SAMD5: variants seen among roughly 807,000 people sequenced by gnomAD.
The protein encoded by SAMD5 is sterile alpha motif domain-containing protein 5.
In SAMD5, 13 loss-of-function variants were observed where a neutral mutation model predicts 11.3. The observed-to-expected ratio is 1.15, with a 90% CI of 0.75 to 1.83. The LOEUF (loss-of-function observed/expected upper bound fraction) is 1.83, where lower values mean the gene tolerates loss of function less well. SAMD5 is among the 40% of genes most tolerant of loss of function. The pLI is 0.00. For missense variants in SAMD5, 255 were observed against 239.1 expected (o/e 1.07, Z -0.44); for synonymous variants, 129 against 111.3 (o/e 1.16, Z -1.00).
the SAMD5 span, among the ~76,000 whole-genome samples, chr6:147,747,142 G>T: frequency 6.6e-6 from 1 of 152,200 alleles, no homozygotes; most frequent in Non-Finnish European, 1.5e-5. Flanking sequence ...GATGTTTGCT[G>T]GAAGAAAAGA....
At chr6:147,830,808 T>C in the SAMD5 span, among the ~76,000 whole-genome samples, 4 of 152,244 alleles carry the variant, frequency 2.6e-5, no homozygotes, top group Middle Eastern at 3.2e-3. Flanking sequence ...TAATGAATTT[T>C]GTCAGGAAGA....
intron 1 of SAMD5, among the ~76,000 whole-genome samples, chr6:147,542,009 G>T (rs1788613637): frequency 6.6e-6 from 1 of 152,092 alleles, no homozygotes; most frequent in Non-Finnish European, 1.5e-5. Flanking sequence ...GAAGGAAGGA[G>T]GCATTGGCAG....
At chr6:147,869,352 A>G in the SAMD5 span, among the ~76,000 whole-genome samples, 1 of 152,116 alleles carries the variant, frequency 6.6e-6, no homozygotes, top group Non-Finnish European at 1.5e-5. Context: ...GGCTTGGGAG[A>G]TGTTTTCTTC....
At chr6:147,534,092 G>A (rs1788470622) in intron 1 of SAMD5, among the ~76,000 whole-genome samples, 1 of 152,158 alleles carries the variant, frequency 6.6e-6, no homozygotes, top group South Asian at 2.1e-4. Context: ...CCACAGTGTG[G>A]ACATGACCCG....
intron 1 of SAMD5, among the ~76,000 whole-genome samples, chr6:147,685,440 T>G (rs1790995617): frequency 6.6e-6 from 1 of 152,088 alleles, no homozygotes; most frequent in African/African-American, 2.4e-5. Flanking sequence ...TCCCAAAGTG[T>G]GGGATTATAG....
At chr6:147,855,361 G>A in the SAMD5 span, among the ~76,000 whole-genome samples, 2 of 152,134 alleles carry the variant, frequency 1.3e-5, no homozygotes, top group Non-Finnish European at 2.9e-5. Context: ...GAGAAATTGT[G>A]TGTCTTCAAA....
At chr6:147,843,956 C>G in the SAMD5 span, among the ~76,000 whole-genome samples, 1 of 152,068 alleles carries the variant, frequency 6.6e-6, no homozygotes, top group Non-Finnish European at 1.5e-5. Context: ...AATATGACCC[C>G]AAAAGCACAA....
chr6:147,934,636 G>T, the SAMD5 span, among the ~76,000 whole-genome samples: 2 of 152,078 alleles, frequency 1.3e-5, no homozygotes, highest in African/African-American at 4.8e-5. Flanking sequence ...CATAACCAGT[G>T]GATGGGAAAG....
intron 1 of SAMD5, among the ~76,000 whole-genome samples, chr6:147,592,107 C>T (rs1316671117): frequency 6.6e-6 from 1 of 152,170 alleles, no homozygotes; most frequent in African/African-American, 2.4e-5. Flanking sequence ...CCAGCCTCAG[C>T]TTCCTGAGTA....
chr6:147,875,999 A>C, the SAMD5 span, among the ~76,000 whole-genome samples: 2 of 152,182 alleles, frequency 1.3e-5, no homozygotes, highest in African/African-American at 2.4e-5. Context: ...GTCCGTGGAA[A>C]AATTGTTTTC....
chr6:147,816,301 A>AAAAAAATATAT, the SAMD5 span, among the ~76,000 whole-genome samples: 9 of 66,352 alleles, frequency 1.4e-4, no homozygotes, highest in African/African-American at 4.1e-4. Flanking sequence ...AAAAAAAAAA[A>AAAAAAATATAT]ATATATATAT....
intron 1 of SAMD5, among the ~76,000 whole-genome samples, chr6:147,718,987 G>A (rs990750170): frequency 6.6e-6 from 1 of 152,156 alleles, no homozygotes; most frequent in African/African-American, 2.4e-5. Context: ...CACCGCGCCC[G>A]GCCGAAGTGT....
At chr6:147,729,996 A>C in intron 1 of SAMD5, 1 of 413,568 alleles carries the variant, frequency 2.4e-6, no homozygotes, top group Non-Finnish European at 4.7e-6. Flanking sequence ...GAGGCAGAAG[A>C]ATTGCTTGAA....
At chr6:147,560,291 A>G (rs1788928003) in intron 1 of SAMD5, among the ~76,000 whole-genome samples, 1 of 152,132 alleles carries the variant, frequency 6.6e-6, no homozygotes, top group South Asian at 2.1e-4. Flanking sequence ...TGGAAAACTG[A>G]AGTTGAGTTA....
intron 1 of SAMD5, among the ~76,000 whole-genome samples, chr6:147,668,048 G>A (rs112045803): frequency 4.7e-4 from 72 of 151,954 alleles, no homozygotes; most frequent in Admixed American, 4.3e-3. Flanking sequence ...CTAAAAATGC[G>A]ATACAAGAAT....
At chr6:147,926,277 T>C in the SAMD5 span, among the ~76,000 whole-genome samples, 65 of 152,320 alleles carry the variant, frequency 4.3e-4, 2 homozygotes, top group East Asian at 0.013. Context: ...CTTTCCACAA[T>C]GGTTGAGCTA....
At chr6:147,889,543 A>G in the SAMD5 span, among the ~76,000 whole-genome samples, 1 of 152,274 alleles carries the variant, frequency 6.6e-6, no homozygotes, top group Admixed American at 6.5e-5. Flanking sequence ...AGACAATTTG[A>G]ATTTTACCTT....
At chr6:147,659,490 T>C (rs532140317) in intron 1 of SAMD5, among the ~76,000 whole-genome samples, 18 of 152,210 alleles carry the variant, frequency 1.2e-4, no homozygotes, top group Non-Finnish European at 2.2e-4. Context: ...TCTTCTATAC[T>C]AGCTCAACTT....
intron 1 of SAMD5, among the ~76,000 whole-genome samples, chr6:147,635,285 A>T (rs536646860): frequency 6.6e-6 from 1 of 152,290 alleles, no homozygotes; most frequent in African/African-American, 2.4e-5. Context: ...ACCTATTAAA[A>T]TTTCATGAAA....
Sources: gnomAD v4.1 joint callset for allele counts (sites outside exome capture counted in the v4.1 genomes callset) on GRCh38, gnomAD v4.1.1 for gene constraint, MANE v1.5 for transcripts, NCBI Gene and HGNC (gene_info 2026-07-23, HGNC 2026-07-21) for gene names.